The following TTC34 variants were observed in gnomAD, a reference collection of about 807,000 sequenced individuals.
The protein encoded by TTC34 is tetratricopeptide repeat domain 34.
In TTC34, 44 loss-of-function variants were observed where a neutral mutation model predicts 40.7. The observed-to-expected ratio is 1.08, with a 90% CI of 0.85 to 1.39. The LOEUF is 1.39. Among genes scored for constraint, TTC34 ranks in the 40% most tolerant of loss-of-function variants. The pLI is 0.00. For missense variants in TTC34, 884 were observed against 838.0 expected, an observed-to-expected ratio of 1.05 and a Z score of -0.68; for synonymous variants, 422 against 398.6, an observed-to-expected ratio of 1.06 and a Z score of -0.70.
In TTC34 at chr1:2,755,608, G is replaced by A. The variant is rs1470514116; in HGVS notation, c.2226+28001C>T. Reference sequence around the variant, plus strand: ...CTCCCGGCGAGCATCCGACAGCCTGGAGCAGCACCCACACACCCAGGTGCG... The same window carrying A: ...CTCCCGGCGAGCATCCGACAGCCTGAAGCAGCACCCACACACCCAGGTGCG... On this transcript the variant is annotated intron_variant, in intron 6 of 8. Coordinates refer to ENST00000401095, the Ensembl canonical transcript of TTC34. Among the ~76,000 whole-genome samples the A allele has an allele frequency of 8.8e-5, 11 of 124,386 alleles. 1 individual carries two copies. In the East Asian group the frequency reaches 2.9e-3, roughly 33 times the overall value. 81.6% of individuals were successfully genotyped at this position (124,386 alleles called of 152,430 possible).
rs1365651531 is a variant in TTC34, at chr1:2,760,319, A to G, written c.2226+23290T>C. ...ATCTGACAGCCTGGAACAGCACCGC[A>G]CACCCGCAGGTGAGCATCTGACAGC... is the stretch of plus-strand genomic sequence containing the variant. On this transcript the variant is annotated intron_variant, in intron 6 of 8. Transcript: ENST00000401095. Among the ~76,000 whole-genome samples the G allele has an allele frequency of 5.9e-5, 2 of 34,036 alleles. 1 individual carries two copies. Among genetic ancestry groups the G allele is most frequent in the Non-Finnish European group, 9.2e-5 (2 of 21,714 alleles). 22.3% of individuals were successfully genotyped at this position (34,036 alleles called of 152,430 possible). A position where few individuals can be genotyped will look rare whatever the true frequency, so the allele number is the denominator to read the frequency against.
chr1:2,769,679 G>C (rs1245244314), intron 6 of TTC34, among the ~76,000 whole-genome samples: 1 of 10,060 alleles, frequency 9.9e-5, no homozygotes, highest in African/African-American at 4.4e-4. Flanking sequence ...CACCCCCAGG[G>C]GAGCATCTGA....
chr1:2,692,418 C>A (rs1388989271), intron 6 of TTC34, among the ~76,000 whole-genome samples: 4 of 123,052 alleles, frequency 3.3e-5, no homozygotes, highest in South Asian at 2.6e-4. Flanking sequence ...GGAGCAGCAC[C>A]CACACCCCCA....
exon 8 of TTC34, chr1:2,644,276 C>T (rs573143689): frequency 2.6e-6 from 4 of 1,534,238 alleles, no homozygotes; most frequent in Non-Finnish European, 2.6e-6. Context: ...GGGCAAGGCT[C>T]TGCCGCTCCG....
chr1:2,694,935 T>C (rs1478775714), intron 6 of TTC34, among the ~76,000 whole-genome samples: 1 of 133,096 alleles, frequency 7.5e-6, no homozygotes, highest in African/African-American at 2.8e-5. Context: ...CCTGACATCC[T>C]TGAGCAGCAC....
At position 2,686,587 on chromosome 1, in the gene TTC34, G is replaced by T. The variant is rs917891998; in HGVS notation, c.2227-41024C>A. 2.9e-4 allele frequency among the ~76,000 whole-genome samples: 43 copies of T among 149,890 alleles called. 4 individuals are homozygous for T. Among genetic ancestry groups the T allele is most frequent in the African/African-American group, 1.0e-3 (40 of 39,834 alleles). On this transcript the variant is annotated intron_variant, in intron 6 of 8. Transcript: ENST00000401095. ...ACCCAGGTGAGCATCTGACCGCCTGGAACAGCACACACACCCCCAGGCGAG... is the reference window on the plus strand; with the variant it reads ...ACCCAGGTGAGCATCTGACCGCCTGTAACAGCACACACACCCCCAGGCGAG...
chr1:2,651,680 C>G (rs1236190092), intron 6 of TTC34, among the ~76,000 whole-genome samples: 1 of 151,998 alleles, frequency 6.6e-6, no homozygotes, highest in Non-Finnish European at 1.5e-5. Context: ...CACCCCCACA[C>G]CCAGGTGAGC....
intron 6 of TTC34, among the ~76,000 whole-genome samples, chr1:2,760,040 A>AG (rs1641644744): frequency 5.9e-5 from 5 of 84,122 alleles, no homozygotes; most frequent in African/African-American, 1.4e-4. Context: ...CAGCGCCCAC[A>AG]CACCCAAGTG....
At chr1:2,685,127 G>A (rs1359550723) in intron 6 of TTC34, among the ~76,000 whole-genome samples, 1 of 144,486 alleles carries the variant, frequency 6.9e-6, no homozygotes, top group Non-Finnish European at 1.5e-5. Context: ...ACCCCCAGGC[G>A]AGCATCGGAC....
Position 2,767,721 on chromosome 1 carries a change from C to T in TTC34, c.2226+15888G>A, listed in dbSNP as rs1441925282. Among the ~76,000 whole-genome samples, 6 of 141,954 alleles carry T rather than the reference C, an allele frequency of 4.2e-5. 1 individual carries two copies. The highest frequency in any genetic ancestry group is 1.5e-5 in the Non-Finnish European group (1 of 65,022). 93.1% of individuals were successfully genotyped at this position (141,954 alleles called of 152,430 possible). A position where few individuals can be genotyped will look rare whatever the true frequency, so the allele number is the denominator to read the frequency against. On this transcript the variant is annotated intron_variant, in intron 6 of 8. Coordinates refer to ENST00000401095, the Ensembl canonical transcript of TTC34. ...GATCTGACTACCTGGAACAGAACCC[C>T]GCTCTTCCAGGTGAGAATATGACAG...
chr1:2,690,438 C>T (rs1352461964), intron 6 of TTC34, among the ~76,000 whole-genome samples: 18 of 147,932 alleles, frequency 1.2e-4, no homozygotes, highest in African/African-American at 4.1e-4. Context: ...GAGCATCTGA[C>T]AGCCTGGAAC....
At chr1:2,783,034 T>A (rs1193464859) in intron 6 of TTC34, among the ~76,000 whole-genome samples, 1 of 152,216 alleles carries the variant, frequency 6.6e-6, no homozygotes, top group African/African-American at 2.4e-5. Context: ...CTTCTTGCCA[T>A]TGCCCCTCTC....
intron 6 of TTC34, among the ~76,000 whole-genome samples, chr1:2,752,201 A>T (rs1443902247): frequency 1.2e-5 from 1 of 81,228 alleles, no homozygotes; most frequent in African/African-American, 6.1e-5. Context: ...CCTGGAACAG[A>T]ACCCACACCC....
intron 6 of TTC34, among the ~76,000 whole-genome samples, chr1:2,749,120 ACCCCCAGGTGAGCATCTG>A (rs1641236742): frequency 1.5e-5 from 2 of 134,740 alleles, no homozygotes; most frequent in Admixed American, 7.6e-5. Flanking sequence ...CAGCACCCAC[ACCCCCAGGTGAGCATCTG>A]ACAGCCTGGA....
intron 6 of TTC34, among the ~76,000 whole-genome samples, chr1:2,653,697 T>C (rs796779056): frequency 7.0e-5 from 3 of 42,814 alleles, no homozygotes; most frequent in Non-Finnish European, 2.3e-4. Flanking sequence ...CACCCCCAGG[T>C]GAGCATCTGA....
At chr1:2,691,988 C>A (rs1371222543) in intron 6 of TTC34, among the ~76,000 whole-genome samples, 2 of 83,566 alleles carry the variant, frequency 2.4e-5, no homozygotes, top group Non-Finnish European at 5.4e-5. Context: ...CCCACACCCC[C>A]AGGCGAGCAT....
chr1:2,759,380 C>T (rs1462220304), intron 6 of TTC34, among the ~76,000 whole-genome samples: 4 of 76,130 alleles, frequency 5.3e-5, no homozygotes, highest in African/African-American at 2.1e-4. Context: ...ATCCGACAGC[C>T]TGGAGCAGCA....
chr1:2,767,923 A>G (rs1406932649), intron 6 of TTC34, among the ~76,000 whole-genome samples: 3 of 149,182 alleles, frequency 2.0e-5, no homozygotes, highest in Admixed American at 6.7e-5. Flanking sequence ...AACCTGCACC[A>G]CACACCCCAA....
chr1:2,700,307 C>G (rs1169360865), intron 6 of TTC34, among the ~76,000 whole-genome samples: 1 of 107,756 alleles, frequency 9.3e-6, no homozygotes, highest in Non-Finnish European at 2.2e-5. Context: ...AGGTGAGCAT[C>G]CGACAGTCTG....
Sources: allele counts gnomAD v4.1 joint callset (sites outside exome capture counted in the v4.1 genomes callset), GRCh38; gene constraint gnomAD v4.1.1; transcripts MANE v1.5; gene names NCBI Gene and HGNC (gene_info 2026-07-23, HGNC 2026-07-21).